The following MTHFD1L variants were observed in gnomAD, a reference collection of about 807,000 sequenced individuals.
MTHFD1L encodes the protein monofunctional C1-tetrahydrofolate synthase, mitochondrial.
Under a neutral mutation model 119.5 loss-of-function variants are expected in MTHFD1L, and 81 were observed. The observed-to-expected ratio is 0.68, with a 90% CI of 0.57 to 0.82. The LOEUF (loss-of-function observed/expected upper bound fraction) is 0.82. MTHFD1L is among the 40% of genes least tolerant of loss of function. The pLI is 0.00. For synonymous variants in MTHFD1L, 430 were observed against 475.2 expected (o/e 0.90, Z 1.24); for missense variants, 1,125 against 1,253.4 (o/e 0.90, Z 1.55).
Position 150,922,212 on chromosome 6 carries a change from T to A in MTHFD1L, c.992T>A (p.Val331Asp). 6.2e-7 allele frequency: 1 copy of A among 1,613,850 alleles called. No individual in the cohort carries two copies. Among genetic ancestry groups the A allele is most frequent in the Non-Finnish European group, 8.5e-7 (1 of 1,179,728 alleles). Reference sequence around the variant, plus strand: ...CCTCTATCCCTGCTGAAGAACATGGTCAGTAGTGGAAGGAGATGGCTTCGT... The same window carrying A: ...CCTCTATCCCTGCTGAAGAACATGGACAGTAGTGGAAGGAGATGGCTTCGT... ...LAAALRIQNM[V>D]SSGRRWLREQ... Residue 331 changes from valine (V) to aspartate (D), a missense_variant, in exon 10 of 28, where the codon GTC (valine) becomes GAC (aspartate). Transcript: ENST00000367321.
intron 19 of MTHFD1L, among the ~76,000 whole-genome samples, chr6:150,969,512 CAAA>C (rs35902929): frequency 9.5e-5 from 12 of 126,688 alleles, no homozygotes; most frequent in South Asian, 2.6e-4. Context: ...GACCCTGCCT[CAAA>C]AAAAAAAAAA....
chr6:151,034,944 A>G (rs538699437), intron 25 of MTHFD1L, among the ~76,000 whole-genome samples: 40 of 152,008 alleles, frequency 2.6e-4, no homozygotes, highest in African/African-American at 9.2e-4. Flanking sequence ...AGTCAGATTT[A>G]GATGAATTGC....
chr6:150,935,510 C>A, intron 11 of MTHFD1L: 1 of 1,566,888 alleles, frequency 6.4e-7, no homozygotes, highest in South Asian at 1.2e-5. Context: ...ACTTGAGAAA[C>A]TACATGATAT....
Position 151,051,144 on chromosome 6 carries a change from T to C in MTHFD1L, c.2847+14027T>C, listed in dbSNP as rs114228291. Among the ~76,000 whole-genome samples the C allele has an allele frequency of 2.0e-3, 304 of 152,296 alleles. 1 individual carries two copies. Among genetic ancestry groups the C allele is most frequent in the African/African-American group, 7.0e-3 (292 of 41,568 alleles). ...TCCATTACCTTAAGCTCAGGTGTTA[T>C]TGAAGGAGCTCCTTATGAATAGAGC... On this transcript the variant is annotated intron_variant, in intron 26 of 27. Coordinates refer to ENST00000367321, the MANE Select transcript of MTHFD1L (RefSeq NM_015440.5).
intron 15 of MTHFD1L, among the ~76,000 whole-genome samples, chr6:150,946,891 C>T (rs1018093752): frequency 3.3e-5 from 5 of 151,518 alleles, no homozygotes; most frequent in African/African-American, 4.8e-5. Context: ...CTGGCTAACA[C>T]GGTGAAACCC....
At chr6:150,951,414 A>T (rs367615915) in intron 16 of MTHFD1L, among the ~76,000 whole-genome samples, 132 of 152,302 alleles carry the variant, frequency 8.7e-4, no homozygotes, top group African/African-American at 3.1e-3. Flanking sequence ...AAAGAATTTT[A>T]AAAACCTTGC....
At chr6:151,071,020 G>C (rs1791889413) in intron 26 of MTHFD1L, among the ~76,000 whole-genome samples, 1 of 152,178 alleles carries the variant, frequency 6.6e-6, no homozygotes, top group Admixed American at 6.5e-5. Flanking sequence ...CGTTTATTTA[G>C]AAAATTCTAA....
chr6:150,932,185 A>AAAG (rs1554253693), intron 11 of MTHFD1L, among the ~76,000 whole-genome samples: 15 of 148,582 alleles, frequency 1.0e-4, no homozygotes, highest in African/African-American at 3.6e-4. Context: ...AAAAAAAAAA[A>AAAG]GCATCATTCC....
intron 26 of MTHFD1L, among the ~76,000 whole-genome samples, chr6:151,072,418 C>A (rs902415977): frequency 1.3e-5 from 2 of 152,086 alleles, no homozygotes; most frequent in African/African-American, 4.8e-5. Context: ...CCTAAAAAAT[C>A]TTCATAGTCT....
intron 24 of MTHFD1L, among the ~76,000 whole-genome samples, chr6:151,026,067 C>T (rs1406645355): frequency 6.6e-6 from 1 of 152,166 alleles, no homozygotes; most frequent in Non-Finnish European, 1.5e-5. Flanking sequence ...AACAGCTCTT[C>T]TAGAATGTAC....
chr6:151,092,642 T>A, intron 27 of MTHFD1L, 55 bp downstream of exon 27: 1 of 1,089,444 alleles, frequency 9.2e-7, no homozygotes, highest in Non-Finnish European at 1.3e-6. Context: ...GTTCATATCC[T>A]TTTTTTGTCA....
At chr6:151,045,255 C>T (rs929354602) in intron 26 of MTHFD1L, among the ~76,000 whole-genome samples, 2 of 152,138 alleles carry the variant, frequency 1.3e-5, no homozygotes, top group Admixed American at 6.5e-5. Flanking sequence ...TTCACCCCCC[C>T]GCCAAGCTGC....
chr6:151,068,654 C>G (rs1226746449), intron 26 of MTHFD1L, among the ~76,000 whole-genome samples: 3 of 152,132 alleles, frequency 2.0e-5, no homozygotes, highest in African/African-American at 7.2e-5. Flanking sequence ...TTTTGAAAAG[C>G]TAATTTAATA....
chr6:151,074,248 G>C (rs1230820648), intron 26 of MTHFD1L, among the ~76,000 whole-genome samples: 2 of 152,132 alleles, frequency 1.3e-5, no homozygotes, highest in African/African-American at 4.8e-5. Flanking sequence ...ATTCCTGCTG[G>C]CAGAAAGAAA....
At chr6:151,087,266 TAAATA>T (rs1279791137) in intron 26 of MTHFD1L, among the ~76,000 whole-genome samples, 1 of 135,008 alleles carries the variant, frequency 7.4e-6, no homozygotes, top group South Asian at 2.8e-4. Flanking sequence ...AATAAATAAA[TAAATA>T]AATAAATAAA....
chr6:150,879,737 C>G lies in MTHFD1L; in HGVS notation c.417+1911C>G, dbSNP rs571237964. On this transcript the variant is annotated intron_variant, in intron 4 of 27. Transcript: ENST00000367321. ...TTCCACCTCCCATGTTCAAGTGATT[C>G]TCCCTGCTCAGCCTCCCAAGTAACT... Among the ~76,000 whole-genome samples, 20 of 145,866 alleles carry G rather than the reference C, an allele frequency of 1.4e-4. 2 individuals carry two copies. In the South Asian group the frequency reaches 4.6e-3, roughly 34 times the overall value.
At chr6:150,935,955 G>A (rs1240311132) in intron 11 of MTHFD1L, among the ~76,000 whole-genome samples, 1 of 152,218 alleles carries the variant, frequency 6.6e-6, no homozygotes, top group East Asian at 1.9e-4. Flanking sequence ...ACTTGGTAAT[G>A]TAATAGGCTC....
At chr6:150,974,724 C>CTTTTTTT (rs58490721) in intron 20 of MTHFD1L, among the ~76,000 whole-genome samples, 6 of 144,618 alleles carry the variant, frequency 4.1e-5, no homozygotes, top group Non-Finnish European at 4.6e-5. Context: ...AATTCTCTTC[C>CTTTTTTT]TTTTTTTTTT....
intron 26 of MTHFD1L, among the ~76,000 whole-genome samples, chr6:151,069,304 A>G (rs1433427146): frequency 7.5e-6 from 1 of 132,784 alleles, no homozygotes; most frequent in Non-Finnish European, 1.6e-5. Context: ...TGTCATAGGG[A>G]CCTCCCTAAT....
Sources: allele counts gnomAD v4.1 joint callset (sites outside exome capture counted in the v4.1 genomes callset), GRCh38; gene constraint gnomAD v4.1.1; transcripts MANE v1.5; gene names NCBI Gene and HGNC (gene_info 2026-07-23, HGNC 2026-07-21).